RIMS1: variants seen among roughly 807,000 people sequenced by gnomAD.
The protein encoded by RIMS1 is regulating synaptic membrane exocytosis 1.
A neutral mutation model predicts 214.1 loss-of-function variants in RIMS1; 83 were observed. The observed-to-expected ratio is 0.39, with a 90% CI of 0.32 to 0.47. The LOEUF (loss-of-function observed/expected upper bound fraction) is 0.47. Ranked by LOEUF, RIMS1 falls within the 20% of genes least tolerant of loss-of-function variation. The pLI, the probability that RIMS1 is intolerant of heterozygous loss-of-function variation, is 0.99. For missense variants in RIMS1, 2,050 were observed against 2,161.8 expected, an observed-to-expected ratio of 0.95 and a Z score of 1.03; for synonymous variants, 793 against 786.8, an observed-to-expected ratio of 1.01 and a Z score of -0.13.
intron 4 of RIMS1, among the ~76,000 whole-genome samples, chr6:72,145,910 C>T (rs184509200): frequency 1.1e-3 from 170 of 152,308 alleles, no homozygotes; most frequent in African/African-American, 3.9e-3. Flanking sequence ...ACTCCCAAAT[C>T]GTTTCCAAAT....
At chr6:72,387,025 C>T (rs1258369620) in intron 29 of RIMS1, among the ~76,000 whole-genome samples, 3 of 152,100 alleles carry the variant, frequency 2.0e-5, no homozygotes, top group Admixed American at 6.6e-5. Context: ...TGAGCCACTG[C>T]GCTCGGCCTA....
intron 1 of RIMS1, among the ~76,000 whole-genome samples, chr6:71,961,972 A>G (rs1050378308): frequency 5.9e-5 from 9 of 152,162 alleles, no homozygotes; most frequent in South Asian, 2.1e-4. Flanking sequence ...TAAAGTAAGT[A>G]TTACATTTTA....
At chr6:71,935,763 A>G (rs1784254958) in intron 1 of RIMS1, among the ~76,000 whole-genome samples, 1 of 152,244 alleles carries the variant, frequency 6.6e-6, no homozygotes, top group Non-Finnish European at 1.5e-5. Flanking sequence ...TGTCAAAGCC[A>G]TGACTAAAAG....
intron 5 of RIMS1, among the ~76,000 whole-genome samples, chr6:72,181,140 C>G (rs9791272): frequency 0.21 from 32,211 of 152,100 alleles, 4,068 homozygotes; most frequent in Non-Finnish European, 0.27. Flanking sequence ...AGACAGACAC[C>G]TAGGTAATTA....
At chr6:71,976,465 A>G (rs186948587) in intron 2 of RIMS1, among the ~76,000 whole-genome samples, 1 of 152,246 alleles carries the variant, frequency 6.6e-6, no homozygotes, top group East Asian at 1.9e-4. Context: ...TTTTTGAGTT[A>G]TAAGTGTTCT....
intron 1 of RIMS1, among the ~76,000 whole-genome samples, chr6:71,896,524 T>G (rs1214866188): frequency 2.0e-5 from 3 of 152,082 alleles, no homozygotes; most frequent in Non-Finnish European, 4.4e-5. Flanking sequence ...GCAGCATAGT[T>G]AAAGGCTATA....
intron 7 of RIMS1, 86 bp downstream of exon 7, chr6:72,233,926 A>G (rs919304560): frequency 3.6e-5 from 31 of 859,042 alleles, no homozygotes; most frequent in East Asian, 1.3e-4. Flanking sequence ...TATCTGCTCT[A>G]TTATTCATTT....
intron 23 of RIMS1, among the ~76,000 whole-genome samples, chr6:72,278,868 A>C (rs1231306023): frequency 1.3e-5 from 2 of 152,056 alleles, no homozygotes; most frequent in African/African-American, 4.8e-5. Context: ...ATGAGTAAAT[A>C]GGGTGATAGA....
In RIMS1 at chr6:72,379,664, A is replaced by T. The variant is rs9446632; in HGVS notation, c.4367-10934A>T. ...AGATAACTTTAAATAGGTTCCAGGC[A>T]CTTTCCTGAGTGCTTTACATGAATT... On this transcript the variant is annotated intron_variant, in intron 29 of 33. Transcript: ENST00000521978. 1.7e-3 allele frequency among the ~76,000 whole-genome samples: 264 copies of T among 152,360 alleles called. 1 individual carries two copies. The highest frequency in any genetic ancestry group is 6.3e-3 in the African/African-American group (260 of 41,584).
intron 28 of RIMS1, among the ~76,000 whole-genome samples, chr6:72,331,543 A>G (rs756348545): frequency 4.6e-5 from 7 of 151,838 alleles, no homozygotes; most frequent in Non-Finnish European, 1.0e-4. Context: ...AAAATAGTAA[A>G]GAAAAGCAGA....
At chr6:71,933,458 G>A (rs1783635160) in intron 1 of RIMS1, among the ~76,000 whole-genome samples, 1 of 151,764 alleles carries the variant, frequency 6.6e-6, no homozygotes, top group Admixed American at 6.6e-5. Context: ...AATAGTAATT[G>A]CAATTATCTG....
rs115729034 is a variant in RIMS1, at chr6:71,976,593, T to C, written c.245+7530T>C. 7.3e-3 allele frequency among the ~76,000 whole-genome samples: 1,104 copies of C among 152,256 alleles called. 12 individuals carry two copies. The highest frequency in any genetic ancestry group is 0.025 in the African/African-American group (1,040 of 41,574). On this transcript the variant is annotated intron_variant, in intron 2 of 33. Coordinates refer to ENST00000521978, the MANE Select transcript of RIMS1 (RefSeq NM_014989.7). ...CTTTTGAAGCACAAGTTTTTAATTTTGATGAAGTCTAATTGATCTATTTTT... is the reference window on the plus strand; with the variant it reads ...CTTTTGAAGCACAAGTTTTTAATTTCGATGAAGTCTAATTGATCTATTTTT...
At position 72,300,473 on chromosome 6, in the gene RIMS1, A is replaced by G. The variant is rs1306136016; in HGVS notation, c.3851-6785A>G. 4.0e-5 allele frequency among the ~76,000 whole-genome samples: 6 copies of G among 151,830 alleles called. No homozygotes were observed. In the Admixed American group the frequency reaches 4.0e-4, roughly 10 times the overall value. On this transcript the variant is annotated intron_variant, in intron 26 of 33. Transcript: ENST00000521978. Reference sequence around the variant, plus strand: ...GTCTTTCAGGATAGATTCTGTATCCATTAGTATTATTGGAGTAATGAGAAA... The same window carrying G: ...GTCTTTCAGGATAGATTCTGTATCCGTTAGTATTATTGGAGTAATGAGAAA...
intron 2 of RIMS1, among the ~76,000 whole-genome samples, chr6:72,060,406 C>T (rs1236208708): frequency 6.6e-6 from 1 of 152,166 alleles, no homozygotes; most frequent in African/African-American, 2.4e-5. Flanking sequence ...GTGTGCCATT[C>T]TCCCACTTCT....
At chr6:72,390,206 T>G (rs779463402) in intron 29 of RIMS1, among the ~76,000 whole-genome samples, 10 of 152,220 alleles carry the variant, frequency 6.6e-5, no homozygotes, top group Non-Finnish European at 1.5e-4. Context: ...CGACCTGTCC[T>G]TTGGGACTAT....
rs117977944 is a variant in RIMS1, at chr6:72,311,292, C to T, written c.3964-2214C>T. Among the ~76,000 whole-genome samples, 60 of 152,240 alleles carry T rather than the reference C, an allele frequency of 3.9e-4. 1 individual carries two copies. In the East Asian group the frequency reaches 9.8e-3, roughly 25 times the overall value. On this transcript the variant is annotated intron_variant, in intron 27 of 33. Coordinates refer to ENST00000521978, the MANE Select transcript of RIMS1 (RefSeq NM_014989.7). ...AATAATACAGGAGTTGTGTTTGTAACGCAGCAACAGTGTTAAATTCAGGTT... is the reference window on the plus strand; with the variant it reads ...AATAATACAGGAGTTGTGTTTGTAATGCAGCAACAGTGTTAAATTCAGGTT...
chr6:72,302,050 A>G (rs572428739), intron 26 of RIMS1, among the ~76,000 whole-genome samples: 1 of 151,746 alleles, frequency 6.6e-6, no homozygotes, highest in African/African-American at 2.4e-5. Flanking sequence ...CTATAGAATC[A>G]TAGACTACAA....
At chr6:72,345,345 TATTG>T (rs2097222732) in intron 29 of RIMS1, among the ~76,000 whole-genome samples, 1 of 151,830 alleles carries the variant, frequency 6.6e-6, no homozygotes, top group African/African-American at 2.4e-5. Context: ...GTATTATTAA[TATTG>T]ATAAAACCAT....
At chr6:72,357,095 T>G (rs1323485296) in intron 29 of RIMS1, among the ~76,000 whole-genome samples, 1 of 152,226 alleles carries the variant, frequency 6.6e-6, no homozygotes, top group African/African-American at 2.4e-5. Flanking sequence ...GCACCAAAAT[T>G]TGTCTAAGCT....
Sources: allele counts gnomAD v4.1 joint callset (sites outside exome capture counted in the v4.1 genomes callset), GRCh38; gene constraint gnomAD v4.1.1; transcripts MANE v1.5; gene names NCBI Gene and HGNC (gene_info 2026-07-23, HGNC 2026-07-21).